Variants in SGCZ observed in about 807,000 individuals in gnomAD.
SGCZ encodes the protein zeta-sarcoglycan.
A neutral mutation model predicts 41.3 loss-of-function variants in SGCZ; 40 were observed. The ratio of observed to expected loss-of-function variants is 0.97; its 90% CI spans 0.75 to 1.26. SGCZ has a LOEUF of 1.26. Among genes scored for constraint, SGCZ ranks in the 50% most tolerant of loss-of-function variants. The pLI is 0.00. For synonymous variants in SGCZ, 206 were observed against 137.5 expected, an observed-to-expected ratio of 1.50 and a Z score of -3.49; for missense variants, 552 against 369.8, an observed-to-expected ratio of 1.49 and a Z score of -4.04.
chr8:15,232,562 G>A (rs142859344), intron 1 of SGCZ, among the ~76,000 whole-genome samples: 14 of 151,228 alleles, frequency 9.3e-5, no homozygotes, highest in Non-Finnish European at 1.3e-4. Flanking sequence ...TTTCCCTACT[G>A]TAACTTGAAT....
intron 2 of SGCZ, among the ~76,000 whole-genome samples, chr8:14,458,566 T>C (rs1297428489): frequency 6.6e-6 from 1 of 152,198 alleles, no homozygotes; most frequent in South Asian, 2.1e-4. Context: ...TAAGTAGAGT[T>C]GTCAGTATGG....
intron 5 of SGCZ, among the ~76,000 whole-genome samples, chr8:14,138,530 G>GGTT (rs1563148240): frequency 2.6e-5 from 4 of 151,578 alleles, no homozygotes; most frequent in Non-Finnish European, 5.9e-5. Context: ...AAAAAAGGGG[G>GGTT]GGTTGCATTT....
intron 1 of SGCZ, among the ~76,000 whole-genome samples, chr8:15,215,832 A>T (rs891353660): frequency 1.3e-5 from 2 of 152,212 alleles, no homozygotes; most frequent in Non-Finnish European, 2.9e-5. Flanking sequence ...TTTAAAGTAA[A>T]ATTCTTTGGC....
At chr8:14,184,244 G>C (rs1804828588) in intron 4 of SGCZ, among the ~76,000 whole-genome samples, 1 of 152,106 alleles carries the variant, frequency 6.6e-6, no homozygotes. Context: ...AATGTGTACA[G>C]ATTATCTGTG....
chr8:14,222,779 C>T (rs976562230), intron 4 of SGCZ, among the ~76,000 whole-genome samples: 1 of 143,974 alleles, frequency 6.9e-6, no homozygotes, highest in Non-Finnish European at 1.5e-5. Context: ...TCCACCCTCT[C>T]TCAGTCACAG....
At chr8:14,372,866 T>G (rs1388449790) in intron 2 of SGCZ, among the ~76,000 whole-genome samples, 1 of 152,146 alleles carries the variant, frequency 6.6e-6, no homozygotes, top group Non-Finnish European at 1.5e-5. Flanking sequence ...CAGTAGCAGT[T>G]CACGAGGGAC....
intron 1 of SGCZ, among the ~76,000 whole-genome samples, chr8:14,674,251 A>G (rs1585172655): frequency 6.6e-6 from 1 of 151,942 alleles, no homozygotes; most frequent in Non-Finnish European, 1.5e-5. Context: ...GGTGTTTCCT[A>G]CACCAAAAAC....
intron 1 of SGCZ, among the ~76,000 whole-genome samples, chr8:14,582,924 T>C (rs1483553064): frequency 6.6e-6 from 1 of 151,926 alleles, no homozygotes; most frequent in Admixed American, 6.6e-5. Context: ...GACATTTGGG[T>C]TGGTTCCAAG....
chr8:14,540,351 T>C (rs1008922057), intron 2 of SGCZ, among the ~76,000 whole-genome samples: 2 of 151,080 alleles, frequency 1.3e-5, no homozygotes, highest in Non-Finnish European at 3.0e-5. Flanking sequence ...ATATCTACTA[T>C]GAGAATTTTT....
intron 1 of SGCZ, among the ~76,000 whole-genome samples, chr8:14,883,029 T>A (rs184997429): frequency 1.3e-3 from 194 of 152,238 alleles, no homozygotes; most frequent in Admixed American, 2.0e-3. Flanking sequence ...ATGAGTAGGA[T>A]CATAAAATAA....
In SGCZ at chr8:15,146,468, G is replaced by T. The variant is rs928518624; in HGVS notation, c.39+91117C>A. Among the ~76,000 whole-genome samples the T allele has an allele frequency of 2.6e-5, 4 of 152,176 alleles. No homozygotes were observed. The South Asian group carries it at 8.3e-4, about 32-fold the overall frequency. ...GGCATACTACAGCCTCAAAGTCCTT[G>T]TTCTCTAGTGATCCTCCTGCCTCAG... On this transcript the variant is annotated intron_variant, in intron 1 of 7. Transcript: ENST00000382080.
chr8:14,387,845 C>T (rs1038635062), intron 2 of SGCZ, among the ~76,000 whole-genome samples: 8 of 151,910 alleles, frequency 5.3e-5, no homozygotes, highest in Non-Finnish European at 8.8e-5. Context: ...CTATTTAACA[C>T]AAAGATCATT....
chr8:14,634,622 A>T (rs1806768200), intron 1 of SGCZ, among the ~76,000 whole-genome samples: 2 of 151,838 alleles, frequency 1.3e-5, no homozygotes, highest in Non-Finnish European at 2.9e-5. Context: ...AGATGCCTTG[A>T]AGGAGTAAAA....
chr8:15,066,047 G>A (rs745619382), intron 1 of SGCZ, among the ~76,000 whole-genome samples: 7 of 152,062 alleles, frequency 4.6e-5, no homozygotes, highest in South Asian at 2.1e-4. Context: ...GGTGGCTCAC[G>A]CCTGTAATCC....
chr8:14,209,994 T>C (rs1805747121), intron 4 of SGCZ, among the ~76,000 whole-genome samples: 2 of 76,738 alleles, frequency 2.6e-5, no homozygotes, highest in Admixed American at 2.7e-4. Context: ...AAACTAACTG[T>C]AAAGCCTTCA....
intron 2 of SGCZ, among the ~76,000 whole-genome samples, chr8:14,402,089 T>G (rs1184677067): frequency 2.0e-5 from 3 of 152,224 alleles, no homozygotes; most frequent in Non-Finnish European, 4.4e-5. Context: ...ATGTCTTCTT[T>G]TGAGAAGTGT....
chr8:14,312,847 A>G (rs1470566111), intron 3 of SGCZ, among the ~76,000 whole-genome samples: 1 of 152,218 alleles, frequency 6.6e-6, no homozygotes, highest in East Asian at 1.9e-4. Context: ...AATTTAAAGA[A>G]AAACTACACA....
intron 2 of SGCZ, among the ~76,000 whole-genome samples, chr8:14,538,070 G>A (rs1261407686): frequency 6.6e-6 from 1 of 151,904 alleles, no homozygotes; most frequent in Non-Finnish European, 1.5e-5. Flanking sequence ...TTCACTGTGA[G>A]AGAATATAAT....
intron 1 of SGCZ, among the ~76,000 whole-genome samples, chr8:15,048,885 T>A (rs1804411578): frequency 6.6e-6 from 1 of 152,086 alleles, no homozygotes; most frequent in Non-Finnish European, 1.5e-5. Flanking sequence ...ACCCTGACCA[T>A]CTTCCAAACA....
Sources: allele counts gnomAD v4.1 joint callset (sites outside exome capture counted in the v4.1 genomes callset), GRCh38; gene constraint gnomAD v4.1.1; transcripts MANE v1.5; gene names NCBI Gene and HGNC (gene_info 2026-07-23, HGNC 2026-07-21).